Variants in TTC29 observed in about 807,000 individuals in gnomAD.
TTC29 encodes the protein tetratricopeptide repeat domain 29.
A neutral mutation model predicts 58.1 loss-of-function variants in TTC29; 49 were observed. That is an observed-to-expected ratio of 0.84 (90% CI 0.67 to 1.07). TTC29 has a LOEUF of 1.07. Ranked by LOEUF, TTC29 falls within the 50% of genes least tolerant of loss-of-function variation. TTC29 has a pLI of 0.00. For synonymous variants in TTC29, 209 were observed against 196.8 expected, an observed-to-expected ratio of 1.06 and a Z score of -0.52; for missense variants, 582 against 555.6, an observed-to-expected ratio of 1.05 and a Z score of -0.48.
At chr4:146,738,389 A>C (rs1277222116) in intron 11 of TTC29, among the ~76,000 whole-genome samples, 1 of 152,110 alleles carries the variant, frequency 6.6e-6, no homozygotes, top group African/African-American at 2.4e-5. Context: ...ATTTGCCAAG[A>C]CCACTCCTGC....
chr4:146,844,409 C>A (rs1292492391), intron 8 of TTC29, among the ~76,000 whole-genome samples: 1 of 152,048 alleles, frequency 6.6e-6, no homozygotes, highest in Admixed American at 6.6e-5. Flanking sequence ...AGATTTTATT[C>A]TAACTCTCAA....
At position 146,803,643 on chromosome 4, in the gene TTC29, C is replaced by G. The variant is rs376382668; in HGVS notation, c.1144G>C (p.Asp382His). ...ATGCTCATTAGCTCTACTGTTGTGT[C>G]AAAAGCTTGCTGAAAGCATTCAGAA... ...KASECFQQAFDTTVELMSMPL... is the reference protein window; with the variant it reads ...KASECFQQAFHTTVELMSMPL... The change falls in exon 11 of 13, where the codon GAC (aspartate) becomes CAC (histidine). Residue 382 changes from aspartate (D) to histidine (H), a missense_variant. Asp to His is a moderately conservative substitution (Grantham distance 81, BLOSUM62 -1). Coordinates refer to ENST00000325106, the MANE Select transcript of TTC29 (RefSeq NM_031956.4). The G allele has an allele frequency of 1.7e-5, 27 of 1,601,982 alleles. No individual in the cohort carries two copies. In the Middle Eastern group the frequency reaches 5.1e-4, roughly 30 times the overall value.
intron 4 of TTC29, among the ~76,000 whole-genome samples, chr4:146,936,346 T>C (rs1735816302): frequency 1.3e-5 from 2 of 152,334 alleles, no homozygotes; most frequent in East Asian, 3.9e-4. Flanking sequence ...ATGTGTAGCA[T>C]GTTTAGTTTT....
At chr4:146,778,786 T>C (rs1561116395) in intron 11 of TTC29, among the ~76,000 whole-genome samples, 1 of 151,720 alleles carries the variant, frequency 6.6e-6, no homozygotes. Flanking sequence ...CAGGTATACA[T>C]GGACATACAG....
intron 11 of TTC29, among the ~76,000 whole-genome samples, chr4:146,798,533 T>C (rs1343398304): frequency 6.6e-6 from 1 of 152,036 alleles, no homozygotes; most frequent in Non-Finnish European, 1.5e-5. Flanking sequence ...AGCCGATGTT[T>C]GTGGGGAGAA....
intron 10 of TTC29, among the ~76,000 whole-genome samples, chr4:146,811,503 C>A (rs963041323): frequency 1.3e-5 from 2 of 152,100 alleles, no homozygotes; most frequent in African/African-American, 4.8e-5. Context: ...TCCTCCCTTC[C>A]ACTCATCTCT....
intron 6 of TTC29, among the ~76,000 whole-genome samples, chr4:146,897,558 G>C (rs558182279): frequency 2.1e-4 from 32 of 152,284 alleles, no homozygotes; most frequent in African/African-American, 6.3e-4. Context: ...ATGCAGGGGA[G>C]GGGCTGATGT....
At chr4:146,743,173 G>A (rs111522260) in intron 11 of TTC29, among the ~76,000 whole-genome samples, 8 of 152,120 alleles carry the variant, frequency 5.3e-5, no homozygotes, top group African/African-American at 1.9e-4. Flanking sequence ...AAGAAAATAT[G>A]CAAGAAACCT....
At chr4:146,710,226 A>G (rs542345976) in intron 11 of TTC29, among the ~76,000 whole-genome samples, 9 of 152,284 alleles carry the variant, frequency 5.9e-5, no homozygotes, top group African/African-American at 1.9e-4. Flanking sequence ...TAGCTAGGCT[A>G]TTATATACTA....
intron 4 of TTC29, among the ~76,000 whole-genome samples, chr4:146,921,754 G>C (rs1029621321): frequency 6.6e-6 from 1 of 150,976 alleles, no homozygotes; most frequent in Non-Finnish European, 1.5e-5. Flanking sequence ...TATTTCAACA[G>C]TAATTGCCTA....
At chr4:146,795,226 A>G (rs78171113) in intron 11 of TTC29, among the ~76,000 whole-genome samples, 9,227 of 152,218 alleles carry the variant, frequency 0.061, 389 homozygotes, top group Admixed American at 0.13. Flanking sequence ...CAGAGGAGTA[A>G]GAAAGTAAAT....
chr4:146,917,905 C>T (rs1300203984), intron 4 of TTC29, among the ~76,000 whole-genome samples: 2 of 149,630 alleles, frequency 1.3e-5, no homozygotes, highest in Non-Finnish European at 3.0e-5. Flanking sequence ...AAAAATTAAG[C>T]AATATAAAAA....
chr4:146,916,687 A>T (rs778681647), intron 4 of TTC29, among the ~76,000 whole-genome samples: 1 of 151,562 alleles, frequency 6.6e-6, no homozygotes, highest in Non-Finnish European at 1.5e-5. Flanking sequence ...AAATTTAGCA[A>T]ACTGCAGTTA....
chr4:146,874,847 C>A lies in TTC29; in HGVS notation c.668G>T (p.Arg223Leu), dbSNP rs367836405. 2 of 1,613,070 alleles carry A rather than the reference C, an allele frequency of 1.2e-6. No homozygotes were observed. The highest frequency in any genetic ancestry group is 2.2e-5 in the East Asian group (1 of 44,746). ...CTCACAGGCCAACAAGTTGAGAGAG[C>A]GGCCTGTCTCATCCTTCCATATCCG... ...QGRIWKDETG[R>L]SLNLLACESL... Residue 223 changes from arginine to leucine, a missense_variant, in exon 7 of 13, where the codon CGC becomes CTC. Arg to Leu is a moderately radical substitution (Grantham distance 102). Transcript: ENST00000325106.
chr4:146,891,960 G>C (rs1162904538), intron 6 of TTC29, among the ~76,000 whole-genome samples: 1 of 152,098 alleles, frequency 6.6e-6, no homozygotes, highest in African/African-American at 2.4e-5. Context: ...TGTCTAAGTG[G>C]ATACTGTAAG....
At chr4:146,714,621 A>T (rs182202940) in intron 11 of TTC29, among the ~76,000 whole-genome samples, 1 of 152,148 alleles carries the variant, frequency 6.6e-6, no homozygotes, top group East Asian at 1.9e-4. Flanking sequence ...AACCTATAAA[A>T]TGTACAATGA....
intron 11 of TTC29, among the ~76,000 whole-genome samples, chr4:146,735,367 T>G (rs1744642679): frequency 6.6e-6 from 1 of 152,158 alleles, no homozygotes; most frequent in Non-Finnish European, 1.5e-5. Context: ...TTTACTAAAA[T>G]GGATTATGAG....
chr4:146,755,851 C>G (rs1223586234), intron 11 of TTC29, among the ~76,000 whole-genome samples: 2 of 152,070 alleles, frequency 1.3e-5, no homozygotes, highest in Non-Finnish European at 2.9e-5. Flanking sequence ...TATTCCAAAA[C>G]TAGTTTATTT....
At chr4:146,792,164 T>C (rs912388005) in intron 11 of TTC29, among the ~76,000 whole-genome samples, 3 of 152,176 alleles carry the variant, frequency 2.0e-5, no homozygotes, top group Admixed American at 6.5e-5. Context: ...CAGCCTTTCA[T>C]TGGAAGAAGA....
Sources: gnomAD v4.1 joint callset for allele counts (sites outside exome capture counted in the v4.1 genomes callset) on GRCh38, gnomAD v4.1.1 for gene constraint, MANE v1.5 for transcripts, NCBI Gene and HGNC (gene_info 2026-07-23, HGNC 2026-07-21) for gene names.